Variants in SOD2 observed in about 807,000 individuals in gnomAD.
SOD2 encodes superoxide dismutase 2.
In SOD2, 11 loss-of-function variants were observed where a neutral mutation model predicts 27.0. The observed-to-expected ratio is 0.41, with a 90% CI of 0.26 to 0.67. The LOEUF is 0.67. SOD2 is among the 30% of genes least tolerant of loss of function. SOD2 has a pLI of 0.34. For synonymous variants in SOD2, 105 were observed against 103.0 expected, an observed-to-expected ratio of 1.02 and a Z score of -0.12; for missense variants, 250 against 274.5, an observed-to-expected ratio of 0.91 and a Z score of 0.63.
chr6:159,732,874 G>A (rs373579028), intron 1 of SOD2, among the ~76,000 whole-genome samples: 5 of 125,366 alleles, frequency 4.0e-5, no homozygotes, highest in Middle Eastern at 4.2e-3. Context: ...CTCTCTCTCT[G>A]TATATATATA....
At chr6:159,749,781 A>G (rs1167152164), upstream of SOD2, among the ~76,000 whole-genome samples, 5 of 152,298 alleles carry the variant, frequency 3.3e-5, no homozygotes, top group East Asian at 9.6e-4. Context: ...ATTTCTAGCA[A>G]ATTCATTTAA....
chr6:159,717,224 A>G (rs1446999730), intron 1 of SOD2, among the ~76,000 whole-genome samples: 1 of 151,718 alleles, frequency 6.6e-6, no homozygotes, highest in Non-Finnish European at 1.5e-5. Context: ...GATGCTCCTT[A>G]CTCCCACCAA....
chr6:159,732,068 T>A (rs1778605967), upstream of SOD2, among the ~76,000 whole-genome samples: 1 of 152,344 alleles, frequency 6.6e-6, no homozygotes, highest in African/African-American at 2.4e-5. Flanking sequence ...ATTTGAACCC[T>A]GGTGTATGAA....
rs193256845 is a variant in SOD2 at position 159,671,977 on chromosome 6, G to A, written c.*10516C>T. On this transcript the variant is annotated 3_prime_UTR_variant, in exon 5 of 5. Transcript: ENST00000538183. ...CTTCAGTAGCCAATTCGATCAACTG[G>A]AAGAAAGGTTATCAGTGATTGAAGA... The A allele has an allele frequency of 6.6e-6, 1 of 152,322 alleles. No individual in the cohort carries two copies. The highest frequency in any genetic ancestry group is 2.4e-5 in the African/African-American group (1 of 41,566). The allele number at this position is 152,322 out of a possible 1,614,324, so 9.4% of individuals were successfully genotyped here. A position where few individuals can be genotyped will look rare whatever the true frequency, so the allele number is the denominator to read the frequency against.
In SOD2 at chr6:159,688,499, A is replaced by G. The variant is rs549572709; in HGVS notation, c.227-257T>C. Among the ~76,000 whole-genome samples, 3 of 126,832 alleles carry G rather than the reference A, an allele frequency of 2.4e-5. No homozygotes were observed. In the South Asian group the frequency reaches 8.1e-4, roughly 34 times the overall value. The allele number at this position is 126,832 out of a possible 152,430, so 83.2% of individuals were successfully genotyped here. A position where few individuals can be genotyped will look rare whatever the true frequency, so the allele number is the denominator to read the frequency against. ...TGCTAGGCTCAGGGATCTCTTAGATAGAAGAGATTTTAGGAAATGAAACAC... is the reference window on the plus strand; with the variant it reads ...TGCTAGGCTCAGGGATCTCTTAGATGGAAGAGATTTTAGGAAATGAAACAC... On this transcript the variant is annotated intron_variant, in intron 2 of 4. Transcript: ENST00000538183.
chr6:159,757,540 G>A (rs1341034039), intron 1 of SOD2, among the ~76,000 whole-genome samples: 1 of 151,746 alleles, frequency 6.6e-6, no homozygotes, highest in Non-Finnish European at 1.5e-5. Flanking sequence ...AGACTCCTGA[G>A]TAGCTGGGAT....
intron 1 of SOD2, among the ~76,000 whole-genome samples, chr6:159,704,974 C>T (rs1393458568): frequency 5.3e-5 from 8 of 152,188 alleles, no homozygotes; most frequent in Admixed American, 3.3e-4. Context: ...CAGCAATATT[C>T]GCTGTTCTGC....
chr6:159,746,865 A>C (rs1345020916), upstream of SOD2, among the ~76,000 whole-genome samples: 5 of 152,170 alleles, frequency 3.3e-5, no homozygotes, highest in Admixed American at 2.0e-4. Context: ...TCATGAATGA[A>C]AGTGTTGACT....
chr6:159,682,890 T>A (rs1780022484), intron 4 of SOD2, among the ~76,000 whole-genome samples: 1 of 152,198 alleles, frequency 6.6e-6, no homozygotes, highest in African/African-American at 2.4e-5. Context: ...TTAACAACAG[T>A]ACTTTAATAG....
At chr6:159,745,583 A>G (rs911012825), upstream of SOD2, among the ~76,000 whole-genome samples, 2 of 152,170 alleles carry the variant, frequency 1.3e-5, no homozygotes, top group African/African-American at 4.8e-5. Flanking sequence ...TATATATGGC[A>G]GATGAGGATA....
At chr6:159,755,706 TGTGGG>T in intron 1 of SOD2, 1 of 1,295,718 alleles carries the variant, frequency 7.7e-7, no homozygotes, top group Non-Finnish European at 9.8e-7. Flanking sequence ...TTTGCCTTTT[TGTGGG>T]TGTACGTTTT....
At chr6:159,731,676 C>T (rs1404229375), upstream of SOD2, among the ~76,000 whole-genome samples, 2 of 151,962 alleles carry the variant, frequency 1.3e-5, no homozygotes, top group Non-Finnish European at 2.9e-5. Flanking sequence ...AATTAAATGC[C>T]CATTTTGTGC....
upstream of SOD2, chr6:159,693,317 ACCGCCGCCCCGCCCCCCCCCC>A: frequency 2.6e-6 from 1 of 389,870 alleles, no homozygotes; most frequent in South Asian, 9.9e-5. Flanking sequence ...CCGCAAGGGC[ACCGCCGCCCCGCCCCCCCCCC>A]CCGCGGGCCC....
chr6:159,742,892 CAA>C (rs60309252), intron 1 of SOD2, among the ~76,000 whole-genome samples: 1 of 137,962 alleles, frequency 7.2e-6, no homozygotes, highest in Non-Finnish European at 1.6e-5. Context: ...CTTGTCTCTA[CAA>C]AAAAAAAAAG....
intron 1 of SOD2, chr6:159,736,289 C>T (rs1327242032): frequency 1.9e-6 from 3 of 1,602,766 alleles, no homozygotes; most frequent in African/African-American, 1.3e-5. Context: ...AACCTCTTCC[C>T]AAGAAGGTAT....
intron 1 of SOD2, among the ~76,000 whole-genome samples, chr6:159,709,723 T>C (rs1359743106): frequency 6.6e-6 from 1 of 152,052 alleles, no homozygotes; most frequent in East Asian, 1.9e-4. Context: ...TCCTCAGGGA[T>C]CTAGAACTAG....
At chr6:159,691,872 C>T (rs1166541473) in intron 2 of SOD2, 1 of 152,184 alleles carries the variant, frequency 6.6e-6, no homozygotes, top group East Asian at 1.9e-4. Flanking sequence ...AGAAAAGTAT[C>T]AAGTCTAAAG....
At chr6:159,684,436 G>T (rs1276520897) in intron 4 of SOD2, among the ~76,000 whole-genome samples, 1 of 151,956 alleles carries the variant, frequency 6.6e-6, no homozygotes, top group Non-Finnish European at 1.5e-5. Context: ...GGCCAACATG[G>T]TGAAACCCTG....
At chr6:159,727,400 G>GGAGGCGGGAGGCGT, upstream of SOD2, 1 of 1,223,506 alleles carries the variant, frequency 8.2e-7, no homozygotes, top group Non-Finnish European at 1.0e-6. Flanking sequence ...GCGGGAGGCG[G>GGAGGCGGGAGGCGT]GAGGCAGTGG....
Sources: gnomAD v4.1 joint callset for allele counts (sites outside exome capture counted in the v4.1 genomes callset) on GRCh38, gnomAD v4.1.1 for gene constraint, MANE v1.5 for transcripts, NCBI Gene and HGNC (gene_info 2026-07-23, HGNC 2026-07-21) for gene names.